Variants in MACROH2A1 observed in about 807,000 individuals in gnomAD.
The protein encoded by MACROH2A1 is core histone macro-H2A.1.
MACROH2A1 carries 2 observed loss-of-function variants against 31.6 expected under a neutral mutation model. The observed-to-expected ratio is 0.06, with a 90% CI of 0.03 to 0.20. The LOEUF (loss-of-function observed/expected upper bound fraction) is 0.20, where lower values mean the gene tolerates loss of function less well. Among genes scored for constraint, MACROH2A1 ranks in the 10% least tolerant of loss-of-function variants. The probability of loss-of-function intolerance (pLI) is 1.00; values close to 1 mark genes in which losing one functional copy is unlikely to be tolerated. For missense variants in MACROH2A1, 230 were observed against 474.0 expected, an observed-to-expected ratio of 0.49 and a Z score of 4.78; for synonymous variants, 169 against 189.6, an observed-to-expected ratio of 0.89 and a Z score of 0.89.
chr5:135,374,574 C>T (rs564098871), intron 2 of MACROH2A1, among the ~76,000 whole-genome samples: 1 of 152,352 alleles, frequency 6.6e-6, no homozygotes, highest in Non-Finnish European at 1.5e-5. Flanking sequence ...ACTTAAGCCT[C>T]TGCCTCAAAG....
chr5:135,395,933 G>A (rs886333059), intron 1 of MACROH2A1, among the ~76,000 whole-genome samples: 1 of 152,208 alleles, frequency 6.6e-6, no homozygotes, highest in Non-Finnish European at 1.5e-5. Flanking sequence ...TTTTGTTCCA[G>A]CAGATGTGTC....
intron 5 of MACROH2A1, chr5:135,355,666 G>A: frequency 4.9e-6 from 1 of 206,150 alleles, no homozygotes; most frequent in Non-Finnish European, 9.9e-6. Flanking sequence ...CAGCTTGGCA[G>A]GTGGGCCAGT....
chr5:135,341,077 AATT>A (rs1050467886), intron 8 of MACROH2A1, among the ~76,000 whole-genome samples: 1 of 152,248 alleles, frequency 6.6e-6, no homozygotes, highest in Non-Finnish European at 1.5e-5. Flanking sequence ...AAGGTTGTGA[AATT>A]ATTACCTCCA....
chr5:135,375,256 A>C (rs574256082), intron 2 of MACROH2A1, among the ~76,000 whole-genome samples: 2 of 152,328 alleles, frequency 1.3e-5, no homozygotes, highest in South Asian at 4.1e-4. Context: ...CTCTCCTCAG[A>C]GCTGCAAGCC....
intron 2 of MACROH2A1, among the ~76,000 whole-genome samples, chr5:135,379,236 T>C (rs1424910886): frequency 6.6e-6 from 1 of 152,164 alleles, no homozygotes; most frequent in East Asian, 1.9e-4. Context: ...GTCAACCCCG[T>C]GAGAGGGTAT....
At chr5:135,384,454 A>ATT (rs199630790) in intron 2 of MACROH2A1, among the ~76,000 whole-genome samples, 5,090 of 152,302 alleles carry the variant, frequency 0.033, 294 homozygotes, top group African/African-American at 0.12. Context: ...GCTGGGCCTC[A>ATT]TCCAGTCTGT....
upstream of MACROH2A1, chr5:135,399,498 G>C (rs1009937474): frequency 3.9e-5 from 6 of 152,064 alleles, no homozygotes; most frequent in African/African-American, 1.4e-4. This position sits in a 1 kb window ranked among gnomAD's most constrained non-coding sequence, Gnocchi z 4.5. Context: ...TCTTCAGGGC[G>C]CGTCCCAGAC....
intron 8 of MACROH2A1, among the ~76,000 whole-genome samples, chr5:135,341,291 G>C (rs964633430): frequency 6.6e-6 from 1 of 152,202 alleles, no homozygotes; most frequent in Non-Finnish European, 1.5e-5. Context: ...AGAGCTGAGG[G>C]GCCTCACTCA....
intron 2 of MACROH2A1, among the ~76,000 whole-genome samples, chr5:135,377,927 AGT>A (rs1442735682): frequency 3.3e-5 from 5 of 152,044 alleles, no homozygotes; most frequent in Non-Finnish European, 7.4e-5. Context: ...GAGCAGTGTG[AGT>A]GTGTCATAGA....
chr5:135,361,858 T>C (rs1381510913), intron 4 of MACROH2A1: 1 of 152,246 alleles, frequency 6.6e-6, no homozygotes, highest in African/African-American at 2.4e-5. Flanking sequence ...CTTTAGCAAT[T>C]AGGTTATATG....
Position 135,343,101 on chromosome 5 carries a change from T to A in MACROH2A1, c.953+159A>T. ...GGGTCTCTCTAATTGTCCCTCACCA[T>A]CATTTAATGTCTGCATTCTTCCCTG... On this transcript the variant is annotated intron_variant, in intron 8 of 8. Coordinates refer to ENST00000511689, the MANE Select transcript of MACROH2A1 (RefSeq NM_138610.3). The A allele has an allele frequency of 5.3e-6, 8 of 1,516,006 alleles. 1 individual carries two copies. The highest frequency in any genetic ancestry group is 7.1e-6 in the Non-Finnish European group (8 of 1,127,888). 93.9% of individuals were successfully genotyped at this position (1,516,006 alleles called of 1,614,324 possible).
chr5:135,369,268 A>G lies in MACROH2A1; in HGVS notation c.477+138T>C. 1 of 757,990 alleles carries G rather than the reference A, an allele frequency of 1.3e-6. No individual in the cohort carries two copies. 47.0% of individuals were successfully genotyped at this position (757,990 alleles called of 1,614,324 possible). On this transcript the variant is annotated intron_variant, in intron 4 of 8. Transcript: ENST00000511689. The surrounding 1 kb of genome is among the most constrained non-coding windows in gnomAD (Gnocchi z 4.3). ...GTTGGACTAGCCCCTCTGGAGAGTA[A>G]TCAGCTCCTACATGTTCCTCCTTTA...
intron 4 of MACROH2A1, among the ~76,000 whole-genome samples, chr5:135,368,241 G>A (rs975175035): frequency 3.3e-5 from 5 of 152,228 alleles, no homozygotes; most frequent in African/African-American, 4.8e-5. Flanking sequence ...CCCTGCATGC[G>A]GGTGAAAGCC....
intron 5 of MACROH2A1, 25 bp downstream of exon 5, chr5:135,360,472 A>C: frequency 6.9e-7 from 1 of 1,447,294 alleles, no homozygotes; most frequent in East Asian, 2.3e-5. Flanking sequence ...GCCCTCGAGT[A>C]GACTGAGGCC....
intron 5 of MACROH2A1, chr5:135,357,879 T>C (rs529543377): frequency 1.0e-6 from 1 of 985,324 alleles, no homozygotes; most frequent in Admixed American, 6.1e-5. Flanking sequence ...TGGGCCATGC[T>C]TCCTGAGTAG....
At chr5:135,355,171 C>T in intron 5 of MACROH2A1, 1 of 456,090 alleles carries the variant, frequency 2.2e-6, no homozygotes, top group Non-Finnish European at 4.4e-6. Context: ...GCGGGAGAAC[C>T]ACCTGCTCTG....
At chr5:135,343,690 C>T (rs1760329862) in intron 7 of MACROH2A1, 2 of 523,326 alleles carry the variant, frequency 3.8e-6, no homozygotes, top group South Asian at 2.2e-5. Context: ...CCTCTCTCCA[C>T]TCTCAGAAAG....
At chr5:135,359,192 A>T in intron 5 of MACROH2A1, 8 of 985,446 alleles carry the variant, frequency 8.1e-6, no homozygotes, top group Non-Finnish European at 9.6e-6. Context: ...CCAGGGTGGG[A>T]GTGCCTAAGG....
chr5:135,388,166 G>GA (rs1415327921), intron 2 of MACROH2A1, among the ~76,000 whole-genome samples: 2 of 150,768 alleles, frequency 1.3e-5, no homozygotes, highest in Non-Finnish European at 3.0e-5. Flanking sequence ...ACCAAGAAAT[G>GA]AAAAAACCCA....
Sources: gnomAD v4.1 joint callset for allele counts (sites outside exome capture counted in the v4.1 genomes callset) on GRCh38, gnomAD v4.1.1 for gene constraint, Gnocchi (gnomAD v3.1) non-coding constraint, MANE v1.5 for transcripts, NCBI Gene and HGNC (gene_info 2026-07-23, HGNC 2026-07-21) for gene names.